Variants in GPR158 observed in about 807,000 individuals in gnomAD.
The protein encoded by GPR158 is metabotropic glycine receptor.
In GPR158, 30 loss-of-function variants were observed where a neutral mutation model predicts 78.2. That is an observed-to-expected ratio of 0.38 (90% CI 0.29 to 0.52). GPR158 has a LOEUF of 0.52. Ranked by LOEUF, GPR158 falls within the 20% of genes least tolerant of loss-of-function variation. GPR158 has a pLI of 0.83. For missense variants in GPR158, 1,463 were observed against 1,523.5 expected (o/e 0.96, Z 0.66); for synonymous variants, 581 against 591.1 (o/e 0.98, Z 0.25).
intron 2 of GPR158, among the ~76,000 whole-genome samples, chr10:25,291,988 T>G (rs1190240894): frequency 2.6e-5 from 4 of 152,104 alleles, no homozygotes; most frequent in African/African-American, 9.7e-5. Context: ...ACGGGGAGTT[T>G]ACTCAAAAAA....
At chr10:25,221,243 G>A in intron 2 of GPR158, 86 bp downstream of exon 2, 1 of 692,068 alleles carries the variant, frequency 1.4e-6, no homozygotes, top group South Asian at 2.0e-5. Context: ...ATGAACAAGA[G>A]GCATCTTACT....
At chr10:25,405,162 A>T (rs1271535906) in intron 3 of GPR158, among the ~76,000 whole-genome samples, 1 of 152,246 alleles carries the variant, frequency 6.6e-6, no homozygotes, top group Non-Finnish European at 1.5e-5. Flanking sequence ...TAGATGAACG[A>T]TAACATTGGA....
At chr10:25,526,199 T>C (rs1398042840) in intron 5 of GPR158, among the ~76,000 whole-genome samples, 1 of 150,148 alleles carries the variant, frequency 6.7e-6, no homozygotes, top group Non-Finnish European at 1.5e-5. Flanking sequence ...GATACAACTC[T>C]GGAAAATATA....
Position 25,412,457 on chromosome 10 carries a change from A to G in GPR158, c.1319A>G (p.His440Arg), listed in dbSNP as rs746614180. ...TTCGTTAGCATGCTGGTGGTCTACC[A>G]CTTTCGCAAAGCAAAGGTAAACCCA... ...LDFVSMLVVY[H>R]FRKAKSIRAS... Residue 440 changes from histidine to arginine, a missense_variant, in exon 4 of 11, where the codon CAC (histidine) becomes CGC (arginine). Coordinates refer to ENST00000376351, the MANE Select transcript of GPR158 (RefSeq NM_020752.3). 10 of 1,613,380 alleles carry G rather than the reference A, an allele frequency of 6.2e-6. No homozygotes were observed. In the South Asian group the frequency reaches 1.1e-4, roughly 18 times the overall value.
At chr10:25,350,688 T>C (rs1409347277) in intron 2 of GPR158, among the ~76,000 whole-genome samples, 2 of 152,004 alleles carry the variant, frequency 1.3e-5, no homozygotes, top group Non-Finnish European at 2.9e-5. Flanking sequence ...TCTAAATGCT[T>C]TTCTGAGTTT....
At position 25,181,263 on chromosome 10, in the gene GPR158, A is replaced by G. The variant is rs142577505; in HGVS notation, c.902+4941A>G. Among the ~76,000 whole-genome samples, 7 of 152,354 alleles carry G rather than the reference A, an allele frequency of 4.6e-5. No individual in the cohort carries two copies. In the East Asian group the frequency reaches 9.6e-4, roughly 21 times the overall value. On this transcript the variant is annotated intron_variant, in intron 1 of 10. Coordinates refer to ENST00000376351, the MANE Select transcript of GPR158 (RefSeq NM_020752.3). ...GAGGCTTTTAAGTCTCAGTTACATC[A>G]TCTTTAAGCTATGAAGAGTAATGTG...
chr10:25,423,110 C>CATGTATAT (rs1554802500), intron 4 of GPR158, among the ~76,000 whole-genome samples: 3 of 23,148 alleles, frequency 1.3e-4, no homozygotes, highest in Non-Finnish European at 6.3e-4. Context: ...TATATGTCTA[C>CATGTATAT]ACATATATAC....
intron 2 of GPR158, chr10:25,244,935 C>T (rs1159480739): frequency 6.6e-6 from 1 of 151,152 alleles, no homozygotes; most frequent in African/African-American, 2.4e-5. Flanking sequence ...GTGCATGTTT[C>T]TTTTGGCAGG....
chr10:25,308,512 T>C (rs1854717062), intron 2 of GPR158, among the ~76,000 whole-genome samples: 1 of 152,192 alleles, frequency 6.6e-6, no homozygotes, highest in Non-Finnish European at 1.5e-5. Context: ...CAGATTTTTT[T>C]TCATCATTTT....
At chr10:25,316,482 G>A (rs1310434540) in intron 2 of GPR158, among the ~76,000 whole-genome samples, 2 of 152,150 alleles carry the variant, frequency 1.3e-5, no homozygotes, top group African/African-American at 4.8e-5. Flanking sequence ...TTGTAACCCA[G>A]GTCACCTACT....
intron 2 of GPR158, among the ~76,000 whole-genome samples, chr10:25,352,579 T>G (rs888390052): frequency 1.3e-5 from 2 of 151,986 alleles, no homozygotes; most frequent in African/African-American, 4.8e-5. Context: ...CTTTTGCCTT[T>G]TTAACCATCA....
intron 1 of GPR158, among the ~76,000 whole-genome samples, chr10:25,182,484 C>T (rs1422660441): frequency 6.6e-6 from 1 of 152,172 alleles, no homozygotes; most frequent in Non-Finnish European, 1.5e-5. Flanking sequence ...ACAGGATTAT[C>T]CTCCCATTTT....
At chr10:25,321,164 C>T (rs749030657) in intron 2 of GPR158, among the ~76,000 whole-genome samples, 5 of 152,112 alleles carry the variant, frequency 3.3e-5, no homozygotes, top group Non-Finnish European at 5.9e-5. Context: ...AATCTCTGGA[C>T]AATATATATT....
chr10:25,327,993 T>G (rs1855061183), intron 2 of GPR158, among the ~76,000 whole-genome samples: 1 of 152,214 alleles, frequency 6.6e-6, no homozygotes. Flanking sequence ...GGAAGCCATT[T>G]TCCAAAACTG....
At chr10:25,519,606 A>T (rs1310365407) in intron 5 of GPR158, among the ~76,000 whole-genome samples, 76 of 143,408 alleles carry the variant, frequency 5.3e-4, no homozygotes, top group African/African-American at 2.1e-3. Context: ...TTGTCTGTAA[A>T]GTATTTTATT....
chr10:25,369,789 A>T (rs922404919), intron 2 of GPR158, among the ~76,000 whole-genome samples: 1 of 151,988 alleles, frequency 6.6e-6, no homozygotes, highest in African/African-American at 2.4e-5. Flanking sequence ...CTGTGAATCC[A>T]TCTGGTCCTG....
At chr10:25,590,475 A>C (rs1398719549) in intron 8 of GPR158, among the ~76,000 whole-genome samples, 1 of 152,206 alleles carries the variant, frequency 6.6e-6, no homozygotes, top group African/African-American at 2.4e-5. Flanking sequence ...GCCCTCAGTC[A>C]ACAATATCTT....
chr10:25,338,440 A>T, intron 2 of GPR158, among the ~76,000 whole-genome samples: 1 of 144,082 alleles, frequency 6.9e-6, no homozygotes, highest in East Asian at 2.0e-4. Context: ...TATACGTATT[A>T]TATATACGTA....
chr10:25,350,720 A>G (rs1408078584), intron 2 of GPR158, among the ~76,000 whole-genome samples: 1 of 151,940 alleles, frequency 6.6e-6, no homozygotes, highest in Non-Finnish European at 1.5e-5. Context: ...GAGACAGGAC[A>G]GTTGTTTCAG....
Sources: allele counts gnomAD v4.1 joint callset (sites outside exome capture counted in the v4.1 genomes callset), GRCh38; gene constraint gnomAD v4.1.1; transcripts MANE v1.5; gene names NCBI Gene and HGNC (gene_info 2026-07-23, HGNC 2026-07-21).